GABBR2: variants seen among roughly 807,000 people sequenced by gnomAD.
The protein encoded by GABBR2 is G-protein coupled receptor 51.
Under a neutral mutation model 105.6 loss-of-function variants are expected in GABBR2, and 23 were observed. The ratio of observed to expected loss-of-function variants is 0.22; its 90% CI spans 0.16 to 0.31. The LOEUF is 0.31. Among genes scored for constraint, GABBR2 ranks in the 10% least tolerant of loss-of-function variants. The pLI, the probability that GABBR2 is intolerant of heterozygous loss-of-function variation, is 1.00. For synonymous variants in GABBR2, 478 were observed against 499.7 expected (o/e 0.96, Z 0.58); for missense variants, 734 against 1,245.5 (o/e 0.59, Z 6.18).
chr9:98,659,474 T>C (rs1035261076), intron 1 of GABBR2, among the ~76,000 whole-genome samples: 2 of 150,946 alleles, frequency 1.3e-5, no homozygotes, highest in African/African-American at 4.9e-5. Context: ...CAGTCCCATA[T>C]TATTTCTTCT....
chr9:98,660,356 C>A (rs1830241738), intron 1 of GABBR2, among the ~76,000 whole-genome samples: 1 of 152,186 alleles, frequency 6.6e-6, no homozygotes, highest in African/African-American at 2.4e-5. Flanking sequence ...ATACGTATTT[C>A]CTTAATCTTC....
chr9:98,634,049 G>A (rs1388205625), intron 1 of GABBR2, among the ~76,000 whole-genome samples: 1 of 152,184 alleles, frequency 6.6e-6, no homozygotes, highest in Non-Finnish European at 1.5e-5. Flanking sequence ...GTGGCCTAGA[G>A]GCAGACACCC....
chr9:98,527,940 C>T (rs1173935234), intron 3 of GABBR2, among the ~76,000 whole-genome samples: 2 of 152,130 alleles, frequency 1.3e-5, no homozygotes, highest in African/African-American at 4.8e-5. Flanking sequence ...AACTCAGCAA[C>T]AGTCAAAAGC....
chr9:98,635,963 T>A (rs1829870104), intron 1 of GABBR2, among the ~76,000 whole-genome samples: 1 of 152,138 alleles, frequency 6.6e-6, no homozygotes, highest in Non-Finnish European at 1.5e-5. Flanking sequence ...TACCCCACCA[T>A]GCACCCGGTT....
chr9:98,606,140 A>G (rs1829417440), intron 1 of GABBR2, among the ~76,000 whole-genome samples: 1 of 152,216 alleles, frequency 6.6e-6, no homozygotes, highest in Non-Finnish European at 1.5e-5. Flanking sequence ...TCCATGGTGT[A>G]TATGTGCCAC....
At chr9:98,473,709 G>T in intron 5 of GABBR2, among the ~76,000 whole-genome samples, 1 of 152,058 alleles carries the variant, frequency 6.6e-6, no homozygotes, top group East Asian at 1.9e-4. Context: ...GGGCAACAAG[G>T]TTATTTACAC....
chr9:98,385,888 A>T, intron 10 of GABBR2, 116 bp from the exon 11 acceptor site: 1 of 789,934 alleles, frequency 1.3e-6, no homozygotes, highest in Admixed American at 2.3e-5. Context: ...GAGGGGAGAG[A>T]GAGAAACAGA....
intron 3 of GABBR2, among the ~76,000 whole-genome samples, chr9:98,540,639 C>T (rs572128754): frequency 6.6e-6 from 1 of 152,230 alleles, no homozygotes; most frequent in African/African-American, 2.4e-5. Context: ...TGTCTGCCCC[C>T]ACCGCTCCGG....
rs1826282011 is a variant in GABBR2, at chr9:98,454,071, G to A, written c.1146C>T (p.His382=). The stretch of plus-strand genomic sequence containing the variant: ...TGTAGTTGAAGTCCTGGATCCGCTG[G>A]TGCCGGCTGCTGGCATGCAGTGTCT... ...AMETLHASSR[H]QRIQDFNYTD... The change falls in exon 7 of 19, where the codon CAC becomes CAT. Residue 382 remains histidine (H), a synonymous_variant. Coordinates refer to ENST00000259455, the MANE Select transcript of GABBR2 (RefSeq NM_005458.8). This position sits in a 1 kb window ranked among gnomAD's most constrained non-coding sequence, Gnocchi z 4.6. The A allele has an allele frequency of 6.2e-7, 1 of 1,614,194 alleles. No individual in the cohort carries two copies.
At chr9:98,462,136 G>T (rs1188853585) in intron 6 of GABBR2, among the ~76,000 whole-genome samples, 1 of 152,146 alleles carries the variant, frequency 6.6e-6, no homozygotes, top group Non-Finnish European at 1.5e-5. Context: ...CTTCTGCCTA[G>T]TCTCTCTTTC....
At chr9:98,576,844 A>G (rs62576028) in intron 2 of GABBR2, among the ~76,000 whole-genome samples, 31,990 of 152,186 alleles carry the variant, frequency 0.21, 4,294 homozygotes, top group East Asian at 0.5. Flanking sequence ...CCTGTTCAGC[A>G]TTGTATCCCC....
At position 98,665,809 on chromosome 9, in the gene GABBR2, C is replaced by T. The variant is rs115765342; in HGVS notation, c.321+42608G>A. On this transcript the variant is annotated intron_variant, in intron 1 of 18. Transcript: ENST00000259455. ...AACCTGCCAGCAACAAAGACCAGAG[C>T]TGAGTTCCCATATGACACCAACCCT... Among the ~76,000 whole-genome samples, 1,352 of 152,316 alleles carry T rather than the reference C, an allele frequency of 8.9e-3. 24 individuals carry two copies. Among genetic ancestry groups the T allele is most frequent in the African/African-American group, 0.031 (1,272 of 41,562 alleles).
intron 2 of GABBR2, among the ~76,000 whole-genome samples, chr9:98,547,456 C>T (rs1283758358): frequency 8.5e-6 from 1 of 117,038 alleles, no homozygotes; most frequent in African/African-American, 2.7e-5. Context: ...ATTCTTGTCT[C>T]TCCTCTGGGC....
At chr9:98,707,564 G>C (rs1830913304) in intron 1 of GABBR2, 1 of 152,648 alleles carries the variant, frequency 6.6e-6, no homozygotes, top group African/African-American at 2.4e-5. Flanking sequence ...GGGGTCTTGG[G>C]ATGGAAAGCC....
intron 3 of GABBR2, 22 bp downstream of exon 3, chr9:98,541,851 T>C: frequency 6.2e-7 from 1 of 1,612,186 alleles, no homozygotes; most frequent in Non-Finnish European, 8.5e-7. Context: ...AGGCAGGCCG[T>C]GTCCACACAA....
intron 3 of GABBR2, among the ~76,000 whole-genome samples, chr9:98,530,149 C>A (rs752351011): frequency 6.6e-6 from 1 of 152,176 alleles, no homozygotes. Context: ...CAACGTGTCC[C>A]GGGAAGGGTG....
intron 13 of GABBR2, among the ~76,000 whole-genome samples, chr9:98,331,396 C>CTTTTT (rs142735341): frequency 0.011 from 822 of 75,834 alleles, 8 homozygotes; most frequent in African/African-American, 0.016. Context: ...AGTCCCTCTT[C>CTTTTT]TTTTTTTTTT....
chr9:98,669,227 T>A (rs549096938), intron 1 of GABBR2, among the ~76,000 whole-genome samples: 19 of 152,268 alleles, frequency 1.2e-4, no homozygotes, highest in African/African-American at 4.3e-4. Context: ...TTCTGTGGTG[T>A]TTTTTTGTTT....
chr9:98,535,166 C>T (rs1212813112), intron 3 of GABBR2, among the ~76,000 whole-genome samples: 1 of 152,166 alleles, frequency 6.6e-6, no homozygotes, highest in African/African-American at 2.4e-5. Context: ...AGTGCCATCT[C>T]AGCTCACTGC....
Sources: gnomAD v4.1 joint callset for allele counts (sites outside exome capture counted in the v4.1 genomes callset) on GRCh38, gnomAD v4.1.1 for gene constraint, Gnocchi (gnomAD v3.1) non-coding constraint, MANE v1.5 for transcripts, NCBI Gene and HGNC (gene_info 2026-07-23, HGNC 2026-07-21) for gene names.